NUP50: variants seen among roughly 807,000 people sequenced by gnomAD.
NUP50 encodes nucleoporin 50, also known as nuclear pore complex protein Nup50.
A neutral mutation model predicts 36.8 loss-of-function variants in NUP50; 14 were observed. The ratio of observed to expected loss-of-function variants is 0.38; its 90% CI spans 0.25 to 0.59. NUP50 has a LOEUF of 0.59. Ranked by LOEUF, NUP50 falls within the 20% of genes least tolerant of loss-of-function variation. The pLI is 0.63. For synonymous variants in NUP50, 195 were observed against 210.8 expected (o/e 0.93, Z 0.65); for missense variants, 455 against 564.6 (o/e 0.81, Z 1.97).
At chr22:45,182,248 C>T (rs2074384696) in intron 6 of NUP50, among the ~76,000 whole-genome samples, 1 of 151,982 alleles carries the variant, frequency 6.6e-6, no homozygotes, top group African/African-American at 2.4e-5. Flanking sequence ...CCAGACAAAC[C>T]TGGCCAACAT....
At chr22:45,165,814 C>T (rs902841261) in intron 1 of NUP50, 2 of 152,222 alleles carry the variant, frequency 1.3e-5, no homozygotes, top group Non-Finnish European at 2.9e-5. Flanking sequence ...AGGCACTGTT[C>T]TAAGCCAGTC....
intron 1 of NUP50, chr22:45,165,970 T>C (rs779916881): frequency 1.3e-5 from 2 of 152,214 alleles, no homozygotes; most frequent in Non-Finnish European, 2.9e-5. Flanking sequence ...TTTGAAATAC[T>C]TTATGCTCAC....
chr22:45,178,521 T>C lies in NUP50; in HGVS notation c.624T>C (p.Ser208=). 1 of 1,612,140 alleles carries C rather than the reference T, an allele frequency of 6.2e-7. No homozygotes were observed. The highest frequency in any genetic ancestry group is 8.5e-7 in the Non-Finnish European group (1 of 1,179,870). Residue 208 remains serine (S), a synonymous_variant, in exon 5 of 8, where the codon TCT becomes TCC. Transcript: ENST00000347635. ...AACACGGGAACAGTGGCAGGAATTCTGAAAGTGAATCTAACAAAGTGGCAG... is the reference window on the plus strand; with the variant it reads ...AACACGGGAACAGTGGCAGGAATTCCGAAAGTGAATCTAACAAAGTGGCAG... ...EQQHGNSGRN[S]ESESNKVAAE... is the part of the protein sequence containing the mutation.
intron 3 of NUP50, among the ~76,000 whole-genome samples, chr22:45,175,566 G>A (rs1370108031): frequency 6.6e-6 from 1 of 152,102 alleles, no homozygotes; most frequent in African/African-American, 2.4e-5. Context: ...TTATTGAGCC[G>A]CTTCAGTAAT....
intron 1 of NUP50, among the ~76,000 whole-genome samples, chr22:45,165,192 A>G (rs1277738295): frequency 6.6e-6 from 1 of 152,164 alleles, no homozygotes. Context: ...CCTAGAAATC[A>G]TGTCTAATTT....
intron 2 of NUP50, among the ~76,000 whole-genome samples, chr22:45,170,619 G>T (rs132872): frequency 2.6e-5 from 4 of 151,928 alleles, no homozygotes; most frequent in African/African-American, 4.8e-5. Flanking sequence ...AAGGATGTGA[G>T]TGTTTTGACA....
rs781272108 is a variant in NUP50 at position 45,184,518 on chromosome 22, G to T, written c.1270G>T (p.Val424Phe). The T allele has an allele frequency of 1.2e-6, 2 of 1,613,588 alleles. No homozygotes were observed. Among genetic ancestry groups the T allele is most frequent in the Non-Finnish European group, 1.7e-6 (2 of 1,179,696 alleles). Residue 424 changes from valine (V) to phenylalanine (F), a missense_variant, in exon 8 of 8, where the codon GTT becomes TTT. Val to Phe is a conservative substitution (Grantham distance 50, BLOSUM62 -1). Coordinates refer to ENST00000347635, the MANE Select transcript of NUP50 (RefSeq NM_007172.4). Reference sequence around the variant, plus strand: ...ATGTACGCGAACAGGGAAGAATAACGTTCTTATCGTCTGTGTTCCAAATCC... The same window carrying T: ...ATGTACGCGAACAGGGAAGAATAACTTTCTTATCGTCTGTGTTCCAAATCC... ...MPCTRTGKNN[V>F]LIVCVPNPPI...
intron 7 of NUP50, chr22:45,183,960 G>C (rs1185608151): frequency 2.4e-5 from 5 of 206,474 alleles, no homozygotes; most frequent in Non-Finnish European, 5.0e-5. Flanking sequence ...AGTAGTGGTA[G>C]AGAACAGGGG....
intron 3 of NUP50, among the ~76,000 whole-genome samples, chr22:45,173,899 T>G (rs1437109429): frequency 1.3e-5 from 2 of 152,232 alleles, no homozygotes; most frequent in African/African-American, 4.8e-5. Context: ...GCTGTAACTC[T>G]TAGCCTGAAG....
intron 6 of NUP50, among the ~76,000 whole-genome samples, chr22:45,181,682 T>C (rs1339917726): frequency 6.6e-6 from 1 of 152,128 alleles, no homozygotes; most frequent in Admixed American, 6.5e-5. Flanking sequence ...CCCTGTGTCT[T>C]TCTCCCTCCC....
In NUP50 at chr22:45,185,833, T is replaced by G. The variant is rs997006009; in HGVS notation, c.*1178T>G. 6.8e-6 allele frequency: 1 copy of G among 146,674 alleles called. No individual in the cohort carries two copies. The highest frequency in any genetic ancestry group is 1.5e-5 in the Non-Finnish European group (1 of 67,128). The allele number at this position is 146,674 out of a possible 1,614,324, so 9.1% of individuals were successfully genotyped here. ...TCTTTGAAGACTCTGGGCACATGAA[T>G]GATACACAGAATTGAATGTTTAAAT... is the stretch of plus-strand genomic sequence containing the variant. On this transcript the variant is annotated 3_prime_UTR_variant, in exon 8 of 8. Transcript: ENST00000347635.
chr22:45,180,217 C>T (rs2074345172), intron 5 of NUP50: 1 of 152,202 alleles, frequency 6.6e-6, no homozygotes, highest in Admixed American at 6.5e-5. Context: ...TTGGTTATCA[C>T]AGTTTAAGCA....
At position 45,171,632 on chromosome 22, in the gene NUP50, C is replaced by G. The variant is rs767112381; in HGVS notation, c.102C>G (p.Val34=). 5.6e-6 allele frequency: 9 copies of G among 1,613,938 alleles called. No individual in the cohort carries two copies. Among genetic ancestry groups the G allele is most frequent in the Middle Eastern group, 3.3e-4 (2 of 6,084 alleles). ...CATTCTCCATGGCCAGTGAGGAAGT[C>G]TTGAAGAATAGAGCCATAAAGAAAG... The part of the protein sequence containing the change: ...VGTFSMASEE[V]LKNRAIKKAK... The change falls in exon 3 of 8, where the codon GTC becomes GTG. Residue 34 remains valine, a synonymous_variant. Transcript: ENST00000347635.
intron 2 of NUP50, chr22:45,171,211 T>G: frequency 8.9e-7 from 1 of 1,126,578 alleles, no homozygotes; most frequent in Non-Finnish European, 1.1e-6. Flanking sequence ...ATTTATTTAT[T>G]TTTTTGAGAC....
intron 2 of NUP50, 133 bp from the exon 3 acceptor site, chr22:45,171,467 C>T (rs2074193219): frequency 1.2e-6 from 1 of 817,460 alleles, no homozygotes. Context: ...TAGGCGCAAG[C>T]CATTGTGCCT....
intron 2 of NUP50, among the ~76,000 whole-genome samples, chr22:45,170,079 G>T (rs768230839): frequency 1.3e-5 from 2 of 152,172 alleles, no homozygotes; most frequent in Non-Finnish European, 2.9e-5. Flanking sequence ...TTCCTTCTCT[G>T]CTTCAGCTAC....
intron 1 of NUP50, among the ~76,000 whole-genome samples, chr22:45,167,680 G>A (rs132860): frequency 0.74 from 113,193 of 152,118 alleles, 42,752 homozygotes; most frequent in East Asian, 0.99. Context: ...TCGTGTTGTG[G>A]AGGCGTTTCC....
intron 3 of NUP50, among the ~76,000 whole-genome samples, chr22:45,173,809 G>A (rs542913809): frequency 6.6e-6 from 1 of 152,340 alleles, no homozygotes; most frequent in Admixed American, 6.5e-5. Flanking sequence ...GAAGGGATGA[G>A]GGAAGGAGAG....
Position 45,178,298 on chromosome 22 carries a change from A to C in NUP50, c.401A>C (p.Asn134Thr). The change falls in exon 5 of 8, where the codon AAT (asparagine) becomes ACT (threonine). Residue 134 changes from asparagine (N) to threonine (T), a missense_variant. Physicochemically the swap from Asn to Thr is moderately conservative, Grantham distance 65. Transcript: ENST00000347635. Reference sequence around the variant, plus strand: ...GATAAAGTTTCAAATCCCAAAACTAATGGGGACAGTCAGCAGCCCTCCTCC... The same window carrying C: ...GATAAAGTTTCAAATCCCAAAACTACTGGGGACAGTCAGCAGCCCTCCTCC... ...LVDKVSNPKTNGDSQQPSSSG... is the reference protein window; with the variant it reads ...LVDKVSNPKTTGDSQQPSSSG... The C allele has an allele frequency of 6.2e-7, 1 of 1,614,038 alleles. No individual in the cohort carries two copies. Among genetic ancestry groups the C allele is most frequent in the Non-Finnish European group, 8.5e-7 (1 of 1,179,876 alleles).
Sources: gnomAD v4.1 joint callset for allele counts (sites outside exome capture counted in the v4.1 genomes callset) on GRCh38, gnomAD v4.1.1 for gene constraint, MANE v1.5 for transcripts, NCBI Gene and HGNC (gene_info 2026-07-23, HGNC 2026-07-21) for gene names.